RASGRF2: variants seen among roughly 807,000 people sequenced by gnomAD.
The protein encoded by RASGRF2 is Ras protein specific guanine nucleotide releasing factor 2.
In RASGRF2, 76 loss-of-function variants were observed where a neutral mutation model predicts 151.0. That is an observed-to-expected ratio of 0.50 (90% confidence interval 0.42 to 0.61). The LOEUF is 0.61. Ranked by LOEUF, RASGRF2 falls within the 20% of genes least tolerant of loss-of-function variation. The probability of loss-of-function intolerance (pLI) is 0.00; values close to 1 mark genes in which losing one functional copy is unlikely to be tolerated. For missense variants in RASGRF2, 1,148 were observed against 1,564.6 expected (o/e 0.73, Z 4.49); for synonymous variants, 504 against 566.5 (o/e 0.89, Z 1.57).
At chr5:81,056,591 G>A (rs1203313185) in intron 2 of RASGRF2, among the ~76,000 whole-genome samples, 1 of 152,190 alleles carries the variant, frequency 6.6e-6, no homozygotes, top group East Asian at 1.9e-4. Context: ...GTGCTGAGAA[G>A]AATGTATATT....
At chr5:81,201,994 T>C (rs958593839) in intron 19 of RASGRF2, among the ~76,000 whole-genome samples, 3 of 151,838 alleles carry the variant, frequency 2.0e-5, no homozygotes, top group African/African-American at 7.3e-5. Flanking sequence ...GTATAAGGTA[T>C]GACTCCACAC....
chr5:81,158,274 G>T (rs1022297706), intron 17 of RASGRF2, among the ~76,000 whole-genome samples: 1 of 152,136 alleles, frequency 6.6e-6, no homozygotes, highest in African/African-American at 2.4e-5. Context: ...ATTCAGCAGG[G>T]ACAGTGGTGG....
intron 2 of RASGRF2, among the ~76,000 whole-genome samples, chr5:81,053,193 G>A (rs1328904164): frequency 6.6e-6 from 1 of 151,658 alleles, no homozygotes; most frequent in Non-Finnish European, 1.5e-5. Flanking sequence ...TGTTACATAT[G>A]TATACATGTG....
Position 81,123,786 on chromosome 5 carries a change from C to T in RASGRF2, c.2596+19C>T, listed in dbSNP as rs752145066. On this transcript the variant is annotated intron_variant, in intron 16 of 26. Transcript: ENST00000265080. Reference sequence around the variant, plus strand: ...CCTGGAGGTAAGAGCTCAAGAGGGACTCAGAAATAGAAACGTGAAAAATGA... The same window carrying T: ...CCTGGAGGTAAGAGCTCAAGAGGGATTCAGAAATAGAAACGTGAAAAATGA... 8.7e-6 allele frequency: 14 copies of T among 1,601,758 alleles called. No individual in the cohort carries two copies. Among genetic ancestry groups the T allele is most frequent in the Middle Eastern group, 3.4e-4 (2 of 5,882 alleles).
chr5:81,059,601 C>T (rs758925466), intron 2 of RASGRF2, among the ~76,000 whole-genome samples: 3 of 151,846 alleles, frequency 2.0e-5, no homozygotes, highest in Non-Finnish European at 2.9e-5. Context: ...AATCCCAGCA[C>T]TCTGGGAGGC....
At chr5:81,206,751 C>A (rs560967738) in intron 19 of RASGRF2, 94 bp from the exon 20 acceptor site, 15 of 1,029,348 alleles carry the variant, frequency 1.5e-5, no homozygotes, top group East Asian at 2.4e-5. Flanking sequence ...AATCCTCAGA[C>A]CTCCCATCCA....
chr5:80,962,370 A>T (rs1285195370), intron 1 of RASGRF2, among the ~76,000 whole-genome samples: 1 of 152,046 alleles, frequency 6.6e-6, no homozygotes, highest in Admixed American at 6.5e-5. Flanking sequence ...TTAAATTGGG[A>T]GAAGAGTTTT....
chr5:81,042,847 T>A (rs771455914), intron 1 of RASGRF2, 30 bp from the exon 2 acceptor site: 3 of 1,500,688 alleles, frequency 2.0e-6, no homozygotes, highest in East Asian at 2.3e-5. Context: ...AAAATAGAAC[T>A]AAGTTTTTTG....
At chr5:81,024,061 A>G (rs1324852082) in intron 1 of RASGRF2, among the ~76,000 whole-genome samples, 3 of 152,132 alleles carry the variant, frequency 2.0e-5, no homozygotes, top group Non-Finnish European at 4.4e-5. Context: ...TTAAGAACTA[A>G]AGACAGCTGT....
chr5:81,192,196 T>C (rs1246326065), intron 18 of RASGRF2, among the ~76,000 whole-genome samples: 1 of 152,252 alleles, frequency 6.6e-6, no homozygotes, highest in African/African-American at 2.4e-5. Context: ...CTGTGGGTTT[T>C]ACTACCTGAA....
At chr5:80,990,526 A>G (rs1748616526) in intron 1 of RASGRF2, among the ~76,000 whole-genome samples, 1 of 152,030 alleles carries the variant, frequency 6.6e-6, no homozygotes, top group South Asian at 2.1e-4. Context: ...TGCCGGGGGC[A>G]TTTTCCCTTC....
At chr5:80,984,837 A>C (rs1361759114) in intron 1 of RASGRF2, among the ~76,000 whole-genome samples, 2 of 152,340 alleles carry the variant, frequency 1.3e-5, no homozygotes, top group East Asian at 3.9e-4. Context: ...TTTCAATGTA[A>C]ATGATGGTAA....
At chr5:81,117,737 C>A in intron 15 of RASGRF2, among the ~76,000 whole-genome samples, 1 of 152,170 alleles carries the variant, frequency 6.6e-6, no homozygotes, top group East Asian at 1.9e-4. Context: ...CGGGTGAGAC[C>A]TGAATCAGAT....
chr5:81,007,703 G>A (rs1453915663), intron 1 of RASGRF2, among the ~76,000 whole-genome samples: 2 of 152,134 alleles, frequency 1.3e-5, no homozygotes, highest in East Asian at 3.9e-4. Flanking sequence ...CAGATCAGCT[G>A]CCCCTCCACG....
At chr5:81,147,769 T>A (rs1432473320) in intron 17 of RASGRF2, among the ~76,000 whole-genome samples, 1 of 152,250 alleles carries the variant, frequency 6.6e-6, no homozygotes, top group Non-Finnish European at 1.5e-5. Context: ...GATTTTGCTT[T>A]GTTCTTGCTT....
At chr5:80,996,505 C>CTTCT (rs56082157) in intron 1 of RASGRF2, among the ~76,000 whole-genome samples, 2,710 of 47,738 alleles carry the variant, frequency 0.057, 397 homozygotes, top group Admixed American at 0.086. Context: ...CTTCTTCTTC[C>CTTCT]TCCTCCTCCT....
chr5:81,224,993 A>G (rs1755943065), intron 26 of RASGRF2, among the ~76,000 whole-genome samples: 3 of 151,430 alleles, frequency 2.0e-5, no homozygotes, highest in South Asian at 2.1e-4. Flanking sequence ...CAAACTATCT[A>G]TTTCACTTTT....
At chr5:81,162,094 G>A (rs949271531) in intron 17 of RASGRF2, among the ~76,000 whole-genome samples, 1 of 151,586 alleles carries the variant, frequency 6.6e-6, no homozygotes, top group African/African-American at 2.4e-5. Flanking sequence ...GGGCTCAAAA[G>A]TGCCTGATTT....
intron 12 of RASGRF2, among the ~76,000 whole-genome samples, chr5:81,100,338 C>A (rs1394509433): frequency 1.3e-5 from 2 of 152,138 alleles, no homozygotes; most frequent in Non-Finnish European, 2.9e-5. Flanking sequence ...TTGCTACAAT[C>A]CCAGTTTCCC....
Sources: allele counts gnomAD v4.1 joint callset (sites outside exome capture counted in the v4.1 genomes callset), GRCh38; gene constraint gnomAD v4.1.1; transcripts MANE v1.5; gene names NCBI Gene and HGNC (gene_info 2026-07-23, HGNC 2026-07-21).